Variants in ACER2 observed in about 807,000 individuals in gnomAD.
ACER2 encodes alkaline ceramidase 2, also known as alkCDase 2.
A neutral mutation model predicts 34.7 loss-of-function variants in ACER2; 26 were observed. The ratio of observed to expected loss-of-function variants is 0.75; its 90% CI spans 0.55 to 1.04. The LOEUF is 1.04. ACER2 is among the 50% of genes least tolerant of loss of function. ACER2 has a pLI of 0.00. For synonymous variants in ACER2, 138 were observed against 132.1 expected (o/e 1.04, Z -0.31); for missense variants, 352 against 340.8 (o/e 1.03, Z -0.26).
At chr9:19,424,091 C>T in intron 2 of ACER2, 115 bp downstream of exon 2, 1 of 1,022,138 alleles carries the variant, frequency 9.8e-7, no homozygotes, top group Non-Finnish European at 1.5e-6. Flanking sequence ...TGAAGTCACT[C>T]TGAGGTCTTA....
At chr9:19,421,037 A>T (rs1262575413) in intron 1 of ACER2, among the ~76,000 whole-genome samples, 1 of 152,210 alleles carries the variant, frequency 6.6e-6, no homozygotes, top group African/African-American at 2.4e-5. Context: ...CACCCAGGCC[A>T]TATGGTATGG....
At chr9:19,441,031 T>C (rs1047336642) in intron 4 of ACER2, among the ~76,000 whole-genome samples, 1 of 151,370 alleles carries the variant, frequency 6.6e-6, no homozygotes, top group Non-Finnish European at 1.5e-5. Context: ...TTTCAGCACA[T>C]TTTTCTTTTT....
intron 3 of ACER2, among the ~76,000 whole-genome samples, chr9:19,434,253 A>G (rs1269847341): frequency 2.1e-5 from 3 of 144,986 alleles, no homozygotes; most frequent in Non-Finnish European, 4.5e-5. Flanking sequence ...CCCAGATGGA[A>G]TGGCAGCCGG....
At chr9:19,450,060 CAT>C (rs1416246999) in intron 5 of ACER2, among the ~76,000 whole-genome samples, 6 of 152,120 alleles carry the variant, frequency 3.9e-5, no homozygotes, top group African/African-American at 1.4e-4. Flanking sequence ...TGATGAAGGA[CAT>C]AAAATATCTG....
At chr9:19,424,552 G>A in intron 2 of ACER2, 148 bp from the exon 3 acceptor site, 1 of 1,468,954 alleles carries the variant, frequency 6.8e-7, no homozygotes, top group East Asian at 2.3e-5. Context: ...CTTGGGTGGT[G>A]TGAGTTTCTT....
Position 19,428,211 on chromosome 9 carries a change from G to T in ACER2, c.365+3370G>T, listed in dbSNP as rs150281790. On this transcript the variant is annotated intron_variant, in intron 3 of 5. Coordinates refer to ENST00000340967, the MANE Select transcript of ACER2 (RefSeq NM_001010887.3). ...AGACAGAGTTTCACTCTTATTGCCC[G>T]GGCTGGAGTGCAATAGTACGATCTC... Among the ~76,000 whole-genome samples the T allele has an allele frequency of 2.7e-3, 401 of 149,466 alleles. 1 individual carries two copies. Among genetic ancestry groups the T allele is most frequent in the Non-Finnish European group, 2.5e-3 (169 of 67,500 alleles).
intron 4 of ACER2, among the ~76,000 whole-genome samples, chr9:19,443,744 C>T (rs1307584484): frequency 6.6e-6 from 1 of 152,014 alleles, no homozygotes; most frequent in Non-Finnish European, 1.5e-5. Flanking sequence ...GCAACCTCCA[C>T]AATCTGGGTT....
At chr9:19,440,250 T>A (rs2132517684) in intron 4 of ACER2, among the ~76,000 whole-genome samples, 1 of 152,324 alleles carries the variant, frequency 6.6e-6, no homozygotes, top group East Asian at 1.9e-4. Flanking sequence ...TCCTTTTCAG[T>A]CTCTTGCGTA....
chr9:19,446,097 G>A lies in ACER2; in HGVS notation c.504-184G>A. 7.8e-6 allele frequency: 7 copies of A among 900,124 alleles called. No individual in the cohort carries two copies. The South Asian group carries it at 9.2e-5, about 12-fold the overall frequency. The allele number at this position is 900,124 out of a possible 1,614,324, so 55.8% of individuals were successfully genotyped here. A position where few individuals can be genotyped will look rare whatever the true frequency, so the allele number is the denominator to read the frequency against. On this transcript the variant is annotated intron_variant, in intron 4 of 5. Transcript: ENST00000340967. Reference sequence around the variant, plus strand: ...GCCTGGGTGGGAAGGGTGTCTGTGAGCCATCTGTGTACATATGGTATTTAC... The same window carrying A: ...GCCTGGGTGGGAAGGGTGTCTGTGAACCATCTGTGTACATATGGTATTTAC...
intron 4 of ACER2, among the ~76,000 whole-genome samples, chr9:19,443,404 G>A (rs1375362148): frequency 1.3e-5 from 2 of 152,214 alleles, no homozygotes; most frequent in East Asian, 3.8e-4. Context: ...CTGACCTCGT[G>A]ATCCCCCGGC....
chr9:19,447,953 T>C (rs939444793), intron 5 of ACER2, among the ~76,000 whole-genome samples: 2 of 136,270 alleles, frequency 1.5e-5, no homozygotes, highest in Non-Finnish European at 3.4e-5. Context: ...CACGCACACA[T>C]ATATATGTCT....
intron 1 of ACER2, among the ~76,000 whole-genome samples, chr9:19,412,768 TG>T (rs1830123101): frequency 6.6e-6 from 1 of 152,188 alleles, no homozygotes; most frequent in Non-Finnish European, 1.5e-5. Flanking sequence ...TCACTTAATA[TG>T]TCTTGGAGAT....
intron 1 of ACER2, among the ~76,000 whole-genome samples, chr9:19,411,362 A>ATTT (rs1162836690): frequency 6.6e-6 from 1 of 151,640 alleles, no homozygotes; most frequent in Non-Finnish European, 1.5e-5. Flanking sequence ...AATTTAGCAA[A>ATTT]AAACGTTTCT....
chr9:19,434,286 A>G (rs1830877325), intron 3 of ACER2, among the ~76,000 whole-genome samples: 1 of 150,050 alleles, frequency 6.7e-6, no homozygotes, highest in Non-Finnish European at 1.5e-5. Flanking sequence ...CTCACTTTCC[A>G]GACTGGGCAG....
At chr9:19,428,360 GT>G (rs1396066357) in intron 3 of ACER2, among the ~76,000 whole-genome samples, 1 of 151,886 alleles carries the variant, frequency 6.6e-6, no homozygotes, top group African/African-American at 2.4e-5. Flanking sequence ...TAGAGACGGG[GT>G]TTTGCCATGT....
chr9:19,442,415 C>T (rs910880980), intron 4 of ACER2, among the ~76,000 whole-genome samples: 3 of 152,180 alleles, frequency 2.0e-5, no homozygotes, highest in Non-Finnish European at 2.9e-5. Context: ...GGACAAGCCC[C>T]GAGTGCAAAT....
chr9:19,438,020 TCTTG>T (rs1831028366), intron 4 of ACER2, among the ~76,000 whole-genome samples: 1 of 152,248 alleles, frequency 6.6e-6, no homozygotes, highest in African/African-American at 2.4e-5. Flanking sequence ...AAGGTCTGTA[TCTTG>T]CTAATGACTG....
At chr9:19,442,898 T>C (rs1831204217) in intron 4 of ACER2, among the ~76,000 whole-genome samples, 1 of 152,078 alleles carries the variant, frequency 6.6e-6, no homozygotes, top group Non-Finnish European at 1.5e-5. Context: ...GGTGGCACTA[T>C]CTCGGCTCAC....
rs199805028 is a variant in ACER2, at chr9:19,414,444, G to C, written c.108+5252G>C. Among the ~76,000 whole-genome samples the C allele has an allele frequency of 5.9e-5, 9 of 152,334 alleles. No individual in the cohort carries two copies. The East Asian group carries it at 1.7e-3, about 29-fold the overall frequency. On this transcript the variant is annotated intron_variant, in intron 1 of 5. Coordinates refer to ENST00000340967, the MANE Select transcript of ACER2 (RefSeq NM_001010887.3). ...GAGATTATTTTGTAGCAAATGTTAT[G>C]TGGAAATTCATAGAATGAAGAACTT...
Sources: allele counts gnomAD v4.1 joint callset (sites outside exome capture counted in the v4.1 genomes callset), GRCh38; gene constraint gnomAD v4.1.1; transcripts MANE v1.5; gene names NCBI Gene and HGNC (gene_info 2026-07-23, HGNC 2026-07-21).